The following PLXNA4 variants were observed in gnomAD, a reference collection of about 807,000 sequenced individuals.
PLXNA4 encodes plexin A4.
In PLXNA4, 44 loss-of-function variants were observed where a neutral mutation model predicts 191.8. That is an observed-to-expected ratio of 0.23 (90% CI 0.18 to 0.29). The LOEUF (loss-of-function observed/expected upper bound fraction) is 0.29. Among genes scored for constraint, PLXNA4 ranks in the 10% least tolerant of loss-of-function variants. The pLI is 1.00. For synonymous variants in PLXNA4, 1,082 were observed against 1,009.5 expected, an observed-to-expected ratio of 1.07 and a Z score of -1.36; for missense variants, 1,800 against 2,488.8, an observed-to-expected ratio of 0.72 and a Z score of 5.89.
intron 3 of PLXNA4, among the ~76,000 whole-genome samples, chr7:132,362,061 T>C (rs896504166): frequency 6.6e-5 from 10 of 152,262 alleles, no homozygotes; most frequent in African/African-American, 1.9e-4. Flanking sequence ...AGAGAGGGTT[T>C]CCAAGGCCAC....
chr7:132,276,673 G>C (rs1800293641), intron 4 of PLXNA4, among the ~76,000 whole-genome samples: 1 of 152,162 alleles, frequency 6.6e-6, no homozygotes, highest in Non-Finnish European at 1.5e-5. Context: ...TATTTCTGTG[G>C]AATGGCATAT....
At position 132,129,385 on chromosome 7, in the gene PLXNA4, G is replaced by A. The variant is rs1007962205; in HGVS notation, c.*1094C>T. 1.3e-5 allele frequency: 2 copies of A among 152,274 alleles called. No individual in the cohort carries two copies. Among genetic ancestry groups the A allele is most frequent in the African/African-American group, 4.8e-5 (2 of 41,452 alleles). 9.4% of individuals were successfully genotyped at this position (152,274 alleles called of 1,614,324 possible). ...ATTCTGCAGAGGGAACAGGGACTAG[G>A]CTGTTGGCCCCAGCCGTCTATGGAG... is the stretch of plus-strand genomic sequence containing the variant. On this transcript the variant is annotated 3_prime_UTR_variant, in exon 32 of 32. Transcript: ENST00000321063.
intron 4 of PLXNA4, among the ~76,000 whole-genome samples, chr7:132,242,079 G>A (rs757615798): frequency 6.6e-5 from 10 of 151,930 alleles, no homozygotes; most frequent in East Asian, 1.9e-4. Flanking sequence ...TGGATCAAAC[G>A]GAGTTTTTAT....
At chr7:132,529,539 C>T (rs1799540335) in intron 1 of PLXNA4, among the ~76,000 whole-genome samples, 1 of 152,024 alleles carries the variant, frequency 6.6e-6, no homozygotes, top group Non-Finnish European at 1.5e-5. Context: ...ACCCCACCCC[C>T]AGTAACTCTG....
rs548093099 is a variant in PLXNA4, at chr7:132,396,943, G to A, written c.1371+92349C>T. ...TGTGGGAAATAGAGCCTCCAGGGGC[G>A]GCCCTGCCCCACACCTGCCTGGGGC... On this transcript the variant is annotated intron_variant, in intron 3 of 31. Transcript: ENST00000321063. 5.3e-5 allele frequency among the ~76,000 whole-genome samples: 8 copies of A among 152,220 alleles called. No individual in the cohort carries two copies. In the South Asian group the frequency reaches 8.3e-4, roughly 16 times the overall value.
intron 3 of PLXNA4, among the ~76,000 whole-genome samples, chr7:132,391,634 G>A (rs1003370817): frequency 4.6e-5 from 7 of 152,174 alleles, no homozygotes; most frequent in Admixed American, 3.9e-4. Context: ...ACCCAGCAGG[G>A]GTGGACAGTG....
intron 1 of PLXNA4, among the ~76,000 whole-genome samples, chr7:132,563,317 CCTCCTT>C: frequency 8.3e-6 from 1 of 119,876 alleles, no homozygotes; most frequent in African/African-American, 3.4e-5. Flanking sequence ...TCCTTCTCTT[CCTCCTT>C]CTCCTCCTCC....
chr7:132,217,199 G>A (rs1287421480), intron 9 of PLXNA4, among the ~76,000 whole-genome samples: 2 of 152,244 alleles, frequency 1.3e-5, no homozygotes, highest in African/African-American at 2.4e-5. Flanking sequence ...GCAGAGGGCA[G>A]GAACACGAAG....
intron 3 of PLXNA4, among the ~76,000 whole-genome samples, chr7:132,349,371 G>A (rs1369277732): frequency 1.3e-5 from 2 of 152,126 alleles, no homozygotes; most frequent in East Asian, 3.9e-4. Context: ...GTGGGGGTAG[G>A]GGGCTGGTGG....
At chr7:132,186,679 C>T (rs1239440766) in intron 15 of PLXNA4, among the ~76,000 whole-genome samples, 1 of 152,204 alleles carries the variant, frequency 6.6e-6, no homozygotes, top group Non-Finnish European at 1.5e-5. Flanking sequence ...TATCACAGTG[C>T]AAGTCTGACC....
At chr7:132,288,857 A>G (rs1800780530) in intron 4 of PLXNA4, among the ~76,000 whole-genome samples, 1 of 152,162 alleles carries the variant, frequency 6.6e-6, no homozygotes, top group Admixed American at 6.5e-5. Flanking sequence ...ATCAATGTCT[A>G]TAGACCTCCA....
intron 3 of PLXNA4, among the ~76,000 whole-genome samples, chr7:132,299,857 G>A (rs1297322111): frequency 1.3e-5 from 2 of 152,310 alleles, no homozygotes; most frequent in East Asian, 3.9e-4. Context: ...AGGGACTCAT[G>A]GTAGAAAGAA....
At chr7:132,481,413 ACGGGTCCCAGGACAACCT>A in intron 3 of PLXNA4, among the ~76,000 whole-genome samples, 1 of 152,024 alleles carries the variant, frequency 6.6e-6, no homozygotes, top group African/African-American at 2.4e-5. Context: ...ATTACTCGAT[ACGGGTCCCAGGACAACCT>A]CGGATTAGAC....
chr7:132,552,241 T>C (rs1322788260), intron 1 of PLXNA4, among the ~76,000 whole-genome samples: 1 of 152,138 alleles, frequency 6.6e-6, no homozygotes, highest in Non-Finnish European at 1.5e-5. Context: ...CTGGCAGAGT[T>C]ACCCAGAACC....
At chr7:132,598,454 C>A (rs1802758619) in intron 2 of PLXNA4, among the ~76,000 whole-genome samples, 1 of 152,202 alleles carries the variant, frequency 6.6e-6, no homozygotes, top group South Asian at 2.1e-4. Flanking sequence ...ATTCCTGCAG[C>A]CTCAACAAAC....
At chr7:132,275,239 G>T (rs150366343) in intron 4 of PLXNA4, among the ~76,000 whole-genome samples, 1,819 of 152,148 alleles carry the variant, frequency 0.012, 30 homozygotes, top group African/African-American at 0.041. Flanking sequence ...TTTTGAAGCA[G>T]TTATAGAACC....
At chr7:132,406,654 G>T (rs1429716113) in intron 3 of PLXNA4, among the ~76,000 whole-genome samples, 1 of 152,088 alleles carries the variant, frequency 6.6e-6, no homozygotes, top group Non-Finnish European at 1.5e-5. Flanking sequence ...AAGGTCCAGG[G>T]TTTACCTCAT....
chr7:132,227,395 T>C (rs1798363737), intron 7 of PLXNA4, 56 bp downstream of exon 7: 1 of 1,608,848 alleles, frequency 6.2e-7, no homozygotes, highest in African/African-American at 1.3e-5. Flanking sequence ...TCCTGAGTTC[T>C]CCTTATCTAG....
At chr7:132,645,374 GCTC>G (rs1224811067) in intron 2 of PLXNA4, among the ~76,000 whole-genome samples, 3 of 152,280 alleles carry the variant, frequency 2.0e-5, no homozygotes, top group East Asian at 1.9e-4. Flanking sequence ...GTGTTTGACA[GCTC>G]CTCCTTCACG....
Sources: allele counts gnomAD v4.1 joint callset (sites outside exome capture counted in the v4.1 genomes callset), GRCh38; gene constraint gnomAD v4.1.1; transcripts MANE v1.5; gene names NCBI Gene and HGNC (gene_info 2026-07-23, HGNC 2026-07-21).